DNAH8: variants seen among roughly 807,000 people sequenced by gnomAD.
DNAH8 encodes the protein axonemal beta dynein heavy chain 8.
In DNAH8, 382 loss-of-function variants were observed where a neutral mutation model predicts 562.1. The observed-to-expected ratio is 0.68, with a 90% CI of 0.63 to 0.74. DNAH8 has a LOEUF of 0.74. Among genes scored for constraint, DNAH8 ranks in the 30% least tolerant of loss-of-function variants. DNAH8 has a pLI of 0.00. For missense variants in DNAH8, 5,203 were observed against 5,620.4 expected, an observed-to-expected ratio of 0.93 and a Z score of 2.37; for synonymous variants, 1,881 against 1,919.4, an observed-to-expected ratio of 0.98 and a Z score of 0.52.
At chr6:38,759,092 C>A (rs375315370) in intron 10 of DNAH8, among the ~76,000 whole-genome samples, 2 of 152,000 alleles carry the variant, frequency 1.3e-5, no homozygotes, top group African/African-American at 4.8e-5. Flanking sequence ...CGCTGGAGCT[C>A]ACGAGTTTGA....
chr6:38,832,293 C>T (rs762963455), intron 30 of DNAH8, 29 bp from the exon 31 acceptor site: 2 of 1,421,808 alleles, frequency 1.4e-6, no homozygotes, highest in South Asian at 1.2e-5. Context: ...TACTTTCACT[C>T]TCAGGTTGAA....
intron 74 of DNAH8, 144 bp downstream of exon 74, chr6:38,926,354 G>C: frequency 2.5e-6 from 2 of 804,034 alleles, no homozygotes; most frequent in East Asian, 2.7e-5. Context: ...ACAGCAATTT[G>C]GGGCAACAGC....
chr6:38,842,824 C>G lies in DNAH8; in HGVS notation c.4766C>G (p.Pro1589Arg), dbSNP rs186408574. 2 of 1,613,928 alleles carry G rather than the reference C, an allele frequency of 1.2e-6. No homozygotes were observed. Among genetic ancestry groups the G allele is most frequent in the African/African-American group, 1.3e-5 (1 of 75,024 alleles). The change falls in exon 35 of 93, where the codon CCA becomes CGA. Residue 1589 changes from proline to arginine, a missense_variant. By Grantham distance (103) the Pro-to-Arg change is moderately radical. This residue lies in a region of DNAH8 where 2,176 missense variants were observed against 2,365.1 expected (regional missense o/e 0.92). Transcript: ENST00000327475. Reference sequence around the variant, plus strand: ...AGAATCTCCGAGTTAACTGGAACCCCATTTGATGTGGAATCTGATTCTTTT... The same window carrying G: ...AGAATCTCCGAGTTAACTGGAACCCGATTTGATGTGGAATCTGATTCTTTT... ...WDRISELTGT[P>R]FDVESDSFCL...
chr6:38,790,414 T>C lies in DNAH8; in HGVS notation c.2781+9T>C, dbSNP rs757916676. 2 of 1,326,556 alleles carry C rather than the reference T, an allele frequency of 1.5e-6. No homozygotes were observed. The highest frequency in any genetic ancestry group is 4.1e-5 in the Admixed American group (2 of 48,950). 82.2% of individuals were successfully genotyped at this position (1,326,556 alleles called of 1,614,324 possible). A position where few individuals can be genotyped will look rare whatever the true frequency, so the allele number is the denominator to read the frequency against. ...ATCAACTTTTAAAGAAGGTATGATCTATACATTTAAAAAGCTATCAACATA... is the reference window on the plus strand; with the variant it reads ...ATCAACTTTTAAAGAAGGTATGATCCATACATTTAAAAAGCTATCAACATA... On this transcript the variant is annotated intron_variant, in intron 20 of 92. Transcript: ENST00000327475.
At chr6:38,923,550 G>T (rs1219292022) in intron 72 of DNAH8, 2 of 174,708 alleles carry the variant, frequency 1.1e-5, no homozygotes, top group Non-Finnish European at 2.4e-5. Flanking sequence ...GCTGGTGTCT[G>T]TTGGTGTCCT....
intron 1 of DNAH8, among the ~76,000 whole-genome samples, chr6:38,716,125 A>AT (rs1361200094): frequency 2.0e-5 from 3 of 148,060 alleles, no homozygotes; most frequent in Non-Finnish European, 4.5e-5. Flanking sequence ...CGCCCGGCTA[A>AT]TTTTTTTTGG....
intron 21 of DNAH8, among the ~76,000 whole-genome samples, chr6:38,800,151 A>G (rs1469342169): frequency 6.6e-6 from 1 of 151,800 alleles, no homozygotes; most frequent in African/African-American, 2.4e-5. Flanking sequence ...CAGTTGATGG[A>G]CATTTGGGTT....
chr6:38,782,659 C>T (rs959209220), intron 16 of DNAH8, among the ~76,000 whole-genome samples: 2 of 152,136 alleles, frequency 1.3e-5, no homozygotes, highest in African/African-American at 4.8e-5. Flanking sequence ...CCCTGTTATT[C>T]ATGGTTCAAG....
In DNAH8 at chr6:38,852,709, G is replaced by C; in HGVS notation, c.5482G>C (p.Val1828Leu). 6.2e-7 allele frequency: 1 copy of C among 1,613,486 alleles called. No individual in the cohort carries two copies. The highest frequency in any genetic ancestry group is 8.5e-7 in the Non-Finnish European group (1 of 1,179,602). ...TGTCTTACAGCCGCATCTCCCTGCAGTATCTGACAACATCAATGAGGTGAC... is the reference window on the plus strand; with the variant it reads ...TGTCTTACAGCCGCATCTCCCTGCACTATCTGACAACATCAATGAGGTGAC... ...SHTIQPHLPA[V>L]SDNINEVTFH... The change falls in exon 40 of 93, where the codon GTA (valine) becomes CTA (leucine). Residue 1828 changes from valine (V) to leucine (L), a missense_variant. Physicochemically the swap from Val to Leu is conservative, Grantham distance 32. Transcript: ENST00000327475.
intron 30 of DNAH8, among the ~76,000 whole-genome samples, chr6:38,830,607 C>G (rs999379344): frequency 5.0e-5 from 7 of 140,748 alleles, no homozygotes; most frequent in South Asian, 2.3e-4. Context: ...TGCACTCCAG[C>G]CTGGGCAACA....
At chr6:38,948,268 A>G (rs1043205170) in intron 80 of DNAH8, among the ~76,000 whole-genome samples, 6 of 152,318 alleles carry the variant, frequency 3.9e-5, no homozygotes, top group Non-Finnish European at 7.4e-5. Context: ...GGCATAGGGC[A>G]TCTGCTATGT....
At position 38,907,941 on chromosome 6, in the gene DNAH8, G is replaced by A; in HGVS notation, c.9349-15G>A. 6.3e-7 allele frequency: 1 copy of A among 1,575,630 alleles called. No homozygotes were observed. The highest frequency in any genetic ancestry group is 1.2e-5 in the South Asian group (1 of 84,024). ...CTCTTAAAACACAGAACACTTCCTT[G>A]TCCATTCCTTAAAGATCTCCAACTT... is the stretch of plus-strand genomic sequence containing the variant. On this transcript the variant is annotated splice_polypyrimidine_tract_variant and intron_variant, in intron 63 of 92. Transcript: ENST00000327475.
chr6:38,770,061 A>G (rs1767409281), intron 11 of DNAH8, among the ~76,000 whole-genome samples: 1 of 152,214 alleles, frequency 6.6e-6, no homozygotes, highest in Admixed American at 6.5e-5. Flanking sequence ...TATGACAGAA[A>G]CTTCATATTT....
chr6:38,983,376 T>G (rs752130782), intron 86 of DNAH8, among the ~76,000 whole-genome samples: 1 of 152,224 alleles, frequency 6.6e-6, no homozygotes, highest in Non-Finnish European at 1.5e-5. Context: ...GTGTTTACTC[T>G]AGTACCAAAC....
intron 76 of DNAH8, 81 bp from the exon 77 acceptor site, chr6:38,935,511 T>A: frequency 2.1e-6 from 2 of 932,146 alleles, no homozygotes; most frequent in South Asian, 3.4e-5. Context: ...TTTAAAATTG[T>A]TAATAAACAC....
intron 28 of DNAH8, among the ~76,000 whole-genome samples, chr6:38,824,916 T>A (rs1453025597): frequency 1.3e-5 from 2 of 152,168 alleles, no homozygotes. Flanking sequence ...AAACTATGCA[T>A]CAGTGGCAAT....
intron 22 of DNAH8, 55 bp from the exon 23 acceptor site, chr6:38,805,426 A>T (rs1181866623): frequency 9.0e-7 from 1 of 1,107,320 alleles, no homozygotes; most frequent in Non-Finnish European, 1.4e-6. Context: ...CATGTAGAAT[A>T]CAGACAATGC....
chr6:38,734,398 G>A (rs755477207), intron 4 of DNAH8, 76 bp from the exon 5 acceptor site: 497 of 1,498,630 alleles, frequency 3.3e-4, no homozygotes, highest in Non-Finnish European at 4.3e-4. Flanking sequence ...GGAAACAATA[G>A]TGTAAGAGCC....
At chr6:38,964,780 G>A (rs1051771622) in intron 82 of DNAH8, among the ~76,000 whole-genome samples, 2 of 152,272 alleles carry the variant, frequency 1.3e-5, no homozygotes, top group South Asian at 4.1e-4. Context: ...ATAATGTATA[G>A]TCCGGGCATG....
Sources: allele counts gnomAD v4.1 joint callset (sites outside exome capture counted in the v4.1 genomes callset), GRCh38; gene constraint gnomAD v4.1.1; regional missense constraint gnomAD v4.1.1; transcripts MANE v1.5; gene names NCBI Gene and HGNC (gene_info 2026-07-23, HGNC 2026-07-21).